Variants in PDCL2 observed in about 807,000 individuals in gnomAD.
PDCL2 encodes phosducin like 2, also known as phosducin-like protein 2.
Under a neutral mutation model 30.3 loss-of-function variants are expected in PDCL2, and 23 were observed. That is an observed-to-expected ratio of 0.76 (90% CI 0.55 to 1.08). The LOEUF (loss-of-function observed/expected upper bound fraction) is 1.08. Ranked by LOEUF, PDCL2 falls within the 50% of genes least tolerant of loss-of-function variation. The pLI is 0.00. For missense variants in PDCL2, 243 were observed against 282.3 expected, an observed-to-expected ratio of 0.86 and a Z score of 1.00; for synonymous variants, 68 against 86.2, an observed-to-expected ratio of 0.79 and a Z score of 1.17.
chr4:55,560,710 T>C (rs1319993035), intron 5 of PDCL2, among the ~76,000 whole-genome samples: 1 of 152,142 alleles, frequency 6.6e-6, no homozygotes, highest in Non-Finnish European at 1.5e-5. Flanking sequence ...CCAAAATTCA[T>C]ATGTTGAAAT....
At chr4:55,591,341 A>T (rs1177459795) in intron 1 of PDCL2, among the ~76,000 whole-genome samples, 1 of 151,650 alleles carries the variant, frequency 6.6e-6, no homozygotes, top group Middle Eastern at 3.2e-3. Flanking sequence ...GAACCATTAG[A>T]CAGAGGAGGA....
intron 5 of PDCL2, among the ~76,000 whole-genome samples, chr4:55,559,776 G>A (rs184673376): frequency 1.3e-5 from 2 of 152,092 alleles, no homozygotes; most frequent in East Asian, 3.9e-4. Context: ...ACAGATGAAG[G>A]GATACACAAG....
At chr4:55,572,831 C>T (rs911212445) in intron 3 of PDCL2, among the ~76,000 whole-genome samples, 2 of 152,038 alleles carry the variant, frequency 1.3e-5, no homozygotes, top group African/African-American at 4.8e-5. Flanking sequence ...GTGATCTCGG[C>T]TCACTGTAAG....
chr4:55,556,847 T>G, intron 5 of PDCL2, 136 bp from the exon 6 acceptor site: 2 of 790,060 alleles, frequency 2.5e-6, no homozygotes, highest in Non-Finnish European at 3.6e-6. Flanking sequence ...TTTTTTTTCT[T>G]TTTTGAGACA....
intron 4 of PDCL2, among the ~76,000 whole-genome samples, chr4:55,565,973 GT>G (rs71194595): frequency 0.041 from 3,026 of 74,530 alleles, 108 homozygotes; most frequent in African/African-American, 0.13. Flanking sequence ...CCATTTTTCT[GT>G]TTTTTTTTTT....
At chr4:55,568,545 A>G (rs1054478046) in intron 4 of PDCL2, among the ~76,000 whole-genome samples, 2 of 152,220 alleles carry the variant, frequency 1.3e-5, no homozygotes, top group African/African-American at 4.8e-5. Flanking sequence ...AGTAAGGACG[A>G]CGTATTAGAT....
At chr4:55,563,579 A>G (rs1365681195) in intron 4 of PDCL2, among the ~76,000 whole-genome samples, 2 of 152,218 alleles carry the variant, frequency 1.3e-5, no homozygotes, top group Admixed American at 6.5e-5. Flanking sequence ...AGGTTCACTG[A>G]AAGATCAACT....
At chr4:55,568,050 C>T (rs746610596) in intron 4 of PDCL2, among the ~76,000 whole-genome samples, 5 of 152,046 alleles carry the variant, frequency 3.3e-5, no homozygotes, top group Non-Finnish European at 5.9e-5. Context: ...TCAGGAACTG[C>T]GAAGTATAGC....
At chr4:55,583,119 G>A (rs538300500) in intron 1 of PDCL2, among the ~76,000 whole-genome samples, 70 of 152,116 alleles carry the variant, frequency 4.6e-4, no homozygotes, top group African/African-American at 1.6e-3. Flanking sequence ...GAGACTACAG[G>A]CTTGCTCCAC....
chr4:55,569,388 T>C (rs776555773), intron 4 of PDCL2, among the ~76,000 whole-genome samples: 14 of 152,178 alleles, frequency 9.2e-5, no homozygotes, highest in South Asian at 2.1e-4. Flanking sequence ...TGAATCTGTA[T>C]GGTCGATATT....
intron 4 of PDCL2, among the ~76,000 whole-genome samples, chr4:55,565,392 G>A (rs1732233622): frequency 1.3e-5 from 2 of 152,084 alleles, no homozygotes; most frequent in South Asian, 2.1e-4. Flanking sequence ...CAGTATGGCT[G>A]GGGAGGCCTC....
In PDCL2 at chr4:55,569,708, T is replaced by C. The variant is rs1305574648; in HGVS notation, c.362+10A>G. ...AGTATATTAACATTTTGAAATATTA[T>C]GGTAATTACCTTGATCTGTATAGAT... On this transcript the variant is annotated intron_variant, in intron 4 of 5. Coordinates refer to ENST00000295645, the MANE Select transcript of PDCL2 (RefSeq NM_152401.3). The C allele has an allele frequency of 4.0e-6, 6 of 1,495,376 alleles. No individual in the cohort carries two copies. Among genetic ancestry groups the C allele is most frequent in the Non-Finnish European group, 5.3e-6 (6 of 1,122,090 alleles). The allele number at this position is 1,495,376 out of a possible 1,614,324, so 92.6% of individuals were successfully genotyped here. A position where few individuals can be genotyped will look rare whatever the true frequency, so the allele number is the denominator to read the frequency against.
chr4:55,573,109 A>T (rs979805031), intron 3 of PDCL2, among the ~76,000 whole-genome samples: 1 of 152,148 alleles, frequency 6.6e-6, no homozygotes, highest in Non-Finnish European at 1.5e-5. Context: ...TCCCCGGTGA[A>T]ATGTCTAAAT....
chr4:55,556,822 T>C (rs1369110000), intron 5 of PDCL2, 111 bp from the exon 6 acceptor site: 4 of 921,278 alleles, frequency 4.3e-6, no homozygotes, highest in African/African-American at 1.8e-5. Context: ...AATGATGATA[T>C]ATTTATTTAT....
chr4:55,580,815 C>T lies in PDCL2; in HGVS notation c.218+6G>A. ...ATTTATAATTAACCCAAATGAATCACTGTACCTATATGTTTCAACAGCCTG... is the reference window on the plus strand; with the variant it reads ...ATTTATAATTAACCCAAATGAATCATTGTACCTATATGTTTCAACAGCCTG... On this transcript the variant is annotated splice_donor_region_variant and intron_variant, in intron 3 of 5. Coordinates refer to ENST00000295645, the MANE Select transcript of PDCL2 (RefSeq NM_152401.3). 6.3e-7 allele frequency: 1 copy of T among 1,579,812 alleles called. No individual in the cohort carries two copies. Among genetic ancestry groups the T allele is most frequent in the Non-Finnish European group, 8.6e-7 (1 of 1,161,646 alleles).
intron 1 of PDCL2, 150 bp from the exon 2 acceptor site, chr4:55,582,387 CT>C: frequency 2.4e-6 from 2 of 819,076 alleles, no homozygotes; most frequent in Non-Finnish European, 3.6e-6. Context: ...AAGTGACCTA[CT>C]TTTTCCTGCT....
chr4:55,585,909 T>C (rs1220504859), intron 1 of PDCL2, among the ~76,000 whole-genome samples: 2 of 152,202 alleles, frequency 1.3e-5, no homozygotes, highest in Non-Finnish European at 2.9e-5. Context: ...TTGTTTCTGA[T>C]TTTATCTGAG....
intron 4 of PDCL2, among the ~76,000 whole-genome samples, chr4:55,565,973 G>GT (rs71194595): frequency 0.3 from 22,324 of 74,502 alleles, 5,120 homozygotes; most frequent in East Asian, 0.52. Flanking sequence ...CCATTTTTCT[G>GT]TTTTTTTTTT....
intron 3 of PDCL2, among the ~76,000 whole-genome samples, chr4:55,578,191 C>G (rs1732620449): frequency 6.6e-6 from 1 of 152,120 alleles, no homozygotes; most frequent in African/African-American, 2.4e-5. Context: ...GCTGCCTGAG[C>G]CAGTGGGAGT....
Sources: allele counts gnomAD v4.1 joint callset (sites outside exome capture counted in the v4.1 genomes callset), GRCh38; gene constraint gnomAD v4.1.1; transcripts MANE v1.5; gene names NCBI Gene and HGNC (gene_info 2026-07-23, HGNC 2026-07-21).